DGKI: variants seen among roughly 807,000 people sequenced by gnomAD.
DGKI encodes the protein diacylglycerol kinase iota.
A neutral mutation model predicts 147.5 loss-of-function variants in DGKI; 55 were observed. The observed-to-expected ratio is 0.37, with a 90% CI of 0.30 to 0.47. DGKI has a LOEUF of 0.47. DGKI is among the 20% of genes least tolerant of loss of function. The pLI, the probability that DGKI is intolerant of heterozygous loss-of-function variation, is 1.00. For missense variants in DGKI, 1,007 were observed against 1,323.8 expected, an observed-to-expected ratio of 0.76 and a Z score of 3.71; for synonymous variants, 469 against 477.1, an observed-to-expected ratio of 0.98 and a Z score of 0.22.
intron 17 of DGKI, among the ~76,000 whole-genome samples, chr7:137,575,809 G>A (rs1341644772): frequency 6.6e-6 from 1 of 152,166 alleles, no homozygotes; most frequent in Non-Finnish European, 1.5e-5. Context: ...ACATCTGAAA[G>A]GGATGCCAAG....
At position 137,619,861 on chromosome 7, in the gene DGKI, A is replaced by G; in HGVS notation, c.956T>C (p.Val319Ala). ...CSLGAHAAVI[V>A]PPTWIIKVKK... ...CACCTTAATGATCCAAGTGGGCGGGACAATAACAGCAGCATGAGCCCCCAG... is the reference window on the plus strand; with the variant it reads ...CACCTTAATGATCCAAGTGGGCGGGGCAATAACAGCAGCATGAGCCCCCAG... The change falls in exon 8 of 33, where the codon GTC becomes GCC. Residue 319 changes from valine to alanine, a missense_variant. By Grantham distance (64) the Val-to-Ala change is moderately conservative. This residue lies in a region of DGKI where 259 missense variants were observed against 362.5 expected (regional missense o/e 0.71). Transcript: ENST00000614521. The G allele has an allele frequency of 6.2e-7, 1 of 1,614,038 alleles. No homozygotes were observed. The highest frequency in any genetic ancestry group is 8.5e-7 in the Non-Finnish European group (1 of 1,179,980).
chr7:137,686,753 T>A (rs1038928663), intron 2 of DGKI, among the ~76,000 whole-genome samples: 1 of 152,180 alleles, frequency 6.6e-6, no homozygotes, highest in Admixed American at 6.5e-5. Flanking sequence ...AAATCAGTGC[T>A]CACCTGTATC....
chr7:137,816,254 G>A (rs1797734928), intron 1 of DGKI, among the ~76,000 whole-genome samples: 1 of 152,160 alleles, frequency 6.6e-6, no homozygotes, highest in Admixed American at 6.5e-5. Context: ...AAACACACAA[G>A]ATCACCTTGG....
chr7:137,790,511 AG>A (rs1203917748), intron 1 of DGKI, among the ~76,000 whole-genome samples: 1 of 152,246 alleles, frequency 6.6e-6, no homozygotes, highest in Non-Finnish European at 1.5e-5. Context: ...ATAGATAAAA[AG>A]CTCAGATGCC....
chr7:137,614,605 C>T (rs1820469065), intron 8 of DGKI, among the ~76,000 whole-genome samples: 1 of 152,106 alleles, frequency 6.6e-6, no homozygotes, highest in South Asian at 2.1e-4. Flanking sequence ...CATCTATCTT[C>T]CATTACCTTT....
intron 28 of DGKI, among the ~76,000 whole-genome samples, chr7:137,423,023 GA>G (rs1812641983): frequency 6.6e-6 from 1 of 152,156 alleles, no homozygotes; most frequent in Non-Finnish European, 1.5e-5. Flanking sequence ...CAATGCAAGA[GA>G]TTTTTTTTAA....
chr7:137,741,673 A>C (rs1343535958), intron 1 of DGKI, among the ~76,000 whole-genome samples: 1 of 152,164 alleles, frequency 6.6e-6, no homozygotes, highest in Non-Finnish European at 1.5e-5. Context: ...GACCACCTGT[A>C]CCCAAATATC....
intron 5 of DGKI, among the ~76,000 whole-genome samples, chr7:137,653,196 G>A (rs1023666036): frequency 5.9e-5 from 9 of 152,226 alleles, no homozygotes; most frequent in Non-Finnish European, 5.9e-5. Flanking sequence ...GGCTCCTCTT[G>A]TGTCCAAAAT....
At chr7:137,423,845 A>T (rs10954581) in intron 28 of DGKI, among the ~76,000 whole-genome samples, 1 of 151,942 alleles carries the variant, frequency 6.6e-6, no homozygotes, top group Non-Finnish European at 1.5e-5. Flanking sequence ...ATTATTGTAA[A>T]TATAGATTAT....
intron 19 of DGKI, among the ~76,000 whole-genome samples, chr7:137,569,359 A>C (rs1480596403): frequency 2.6e-5 from 4 of 152,098 alleles, no homozygotes; most frequent in African/African-American, 9.7e-5. Flanking sequence ...TCAGTGAATA[A>C]AGAATAAGTA....
intron 24 of DGKI, 26 bp from the exon 25 acceptor site, chr7:137,466,968 A>C (rs1814685736): frequency 6.2e-7 from 1 of 1,613,156 alleles, no homozygotes; most frequent in South Asian, 1.1e-5. Flanking sequence ...TGCAGATGGC[A>C]TTCAGAATGT....
intron 19 of DGKI, among the ~76,000 whole-genome samples, chr7:137,562,475 G>A (rs1818450961): frequency 6.6e-6 from 1 of 152,152 alleles, no homozygotes; most frequent in South Asian, 2.1e-4. Context: ...GACAGAGGTT[G>A]CAGTGGCCAA....
chr7:137,408,123 G>A (rs1239615698), intron 29 of DGKI, 128 bp from the exon 30 acceptor site: 5 of 1,104,916 alleles, frequency 4.5e-6, no homozygotes, highest in Admixed American at 5.2e-5. Flanking sequence ...ATAGAGAAAA[G>A]TCAAAAAGGT....
intron 10 of DGKI, among the ~76,000 whole-genome samples, chr7:137,605,144 C>T (rs566482484): frequency 6.6e-6 from 1 of 151,902 alleles, no homozygotes; most frequent in Non-Finnish European, 1.5e-5. Context: ...CCCGTCTCTA[C>T]TAAAAATACA....
At chr7:137,523,570 T>TA (rs1200701084) in intron 20 of DGKI, among the ~76,000 whole-genome samples, 2 of 152,040 alleles carry the variant, frequency 1.3e-5, no homozygotes, top group African/African-American at 4.8e-5. Context: ...TTCACTGGCT[T>TA]AAAAAAATCA....
intron 1 of DGKI, among the ~76,000 whole-genome samples, chr7:137,719,107 G>A (rs778099802): frequency 3.2e-4 from 49 of 152,136 alleles, no homozygotes; most frequent in Middle Eastern, 3.2e-3. Flanking sequence ...TAAAGCTGGA[G>A]TTCATGTCGA....
intron 20 of DGKI, among the ~76,000 whole-genome samples, chr7:137,536,211 T>A (rs1201198356): frequency 1.6e-4 from 24 of 152,156 alleles, no homozygotes; most frequent in Non-Finnish European, 1.5e-5. Context: ...TGCTACGATG[T>A]CAACTTTATC....
chr7:137,575,800 C>T (rs1818949289), intron 17 of DGKI, among the ~76,000 whole-genome samples: 1 of 152,162 alleles, frequency 6.6e-6, no homozygotes, highest in Admixed American at 6.5e-5. Context: ...AGAACTGAAA[C>T]ATCTGAAAGG....
chr7:137,494,957 T>C (rs1317092131), intron 21 of DGKI, among the ~76,000 whole-genome samples: 2 of 151,898 alleles, frequency 1.3e-5, no homozygotes, highest in African/African-American at 2.4e-5. Flanking sequence ...ACAAAACATC[T>C]ACCAAGCAGA....
Sources: gnomAD v4.1 joint callset for allele counts (sites outside exome capture counted in the v4.1 genomes callset) on GRCh38, gnomAD v4.1.1 for gene constraint, gnomAD v4.1.1 regional missense constraint, MANE v1.5 for transcripts, NCBI Gene and HGNC (gene_info 2026-07-23, HGNC 2026-07-21) for gene names.